The following PPP3CA variants were observed in gnomAD, a reference collection of about 807,000 sequenced individuals.
PPP3CA encodes the protein protein phosphatase 3 catalytic subunit alpha, also known as CAM-PRP catalytic subunit.
A neutral mutation model predicts 66.5 loss-of-function variants in PPP3CA; 14 were observed. That is an observed-to-expected ratio of 0.21 (90% CI 0.14 to 0.33). The LOEUF (loss-of-function observed/expected upper bound fraction) is 0.33. Among genes scored for constraint, PPP3CA ranks in the 10% least tolerant of loss-of-function variants. The pLI is 1.00. For missense variants in PPP3CA, 317 were observed against 639.5 expected (o/e 0.50, Z 5.44); for synonymous variants, 232 against 226.2 (o/e 1.03, Z -0.23).
chr4:101,283,575 T>C (rs965282688), intron 1 of PPP3CA, among the ~76,000 whole-genome samples: 1 of 152,196 alleles, frequency 6.6e-6, no homozygotes, highest in African/African-American at 2.4e-5. Context: ...ATATTTCTCT[T>C]AAGTAATGTG....
chr4:101,189,642 TGAACACTA>T (rs1724527125), intron 2 of PPP3CA, among the ~76,000 whole-genome samples: 1 of 132,886 alleles, frequency 7.5e-6, no homozygotes, highest in Non-Finnish European at 1.5e-5. Context: ...CAGGGTTATG[TGAACACTA>T]AGAGTTAAAA....
At chr4:101,047,096 T>G (rs1458084341) in intron 10 of PPP3CA, among the ~76,000 whole-genome samples, 1 of 152,194 alleles carries the variant, frequency 6.6e-6, no homozygotes, top group Non-Finnish European at 1.5e-5. Context: ...CTGACCTAAC[T>G]TAACAATAAC....
chr4:101,335,562 T>C (rs1040593408), intron 1 of PPP3CA, among the ~76,000 whole-genome samples: 3 of 152,194 alleles, frequency 2.0e-5, no homozygotes, highest in South Asian at 4.1e-4. Context: ...CTTCTACTTA[T>C]AGACCAGATT....
At chr4:101,030,135 T>TATG (rs1216819023) in intron 12 of PPP3CA, among the ~76,000 whole-genome samples, 1 of 152,172 alleles carries the variant, frequency 6.6e-6, no homozygotes, top group Non-Finnish European at 1.5e-5. Context: ...TATATAAGTA[T>TATG]ATGAGTCTTT....
At chr4:101,267,512 T>G (rs1727205612) in intron 1 of PPP3CA, among the ~76,000 whole-genome samples, 1 of 152,092 alleles carries the variant, frequency 6.6e-6, no homozygotes, top group Non-Finnish European at 1.5e-5. Context: ...GACTCCTGCT[T>G]TTGAGGGCTA....
chr4:101,285,339 A>G (rs112258000), intron 1 of PPP3CA, among the ~76,000 whole-genome samples: 6 of 152,284 alleles, frequency 3.9e-5, no homozygotes, highest in African/African-American at 1.4e-4. Flanking sequence ...CCTTCCATTA[A>G]AGATAAATTG....
chr4:101,091,848 A>C (rs1729959396), intron 6 of PPP3CA, among the ~76,000 whole-genome samples: 2 of 145,854 alleles, frequency 1.4e-5, no homozygotes, highest in South Asian at 4.2e-4. Flanking sequence ...AATAATAATA[A>C]TAATAATAAT....
chr4:101,283,079 A>T (rs912443586), intron 1 of PPP3CA, among the ~76,000 whole-genome samples: 2 of 152,132 alleles, frequency 1.3e-5, no homozygotes, highest in African/African-American at 2.4e-5. Context: ...AAAACAAAAA[A>T]CCCTTCAAAA....
At chr4:101,088,251 C>T (rs1729758715) in intron 6 of PPP3CA, among the ~76,000 whole-genome samples, 1 of 152,128 alleles carries the variant, frequency 6.6e-6, no homozygotes, top group Non-Finnish European at 1.5e-5. Context: ...TGCTACTGGA[C>T]TGCCATTTTC....
At chr4:101,129,650 G>C (rs11932235) in intron 2 of PPP3CA, among the ~76,000 whole-genome samples, 5 of 152,192 alleles carry the variant, frequency 3.3e-5, no homozygotes, top group Admixed American at 6.5e-5. Flanking sequence ...CTGCAGCAGA[G>C]GGGCCTGACT....
rs114346387 is a variant in PPP3CA at position 101,162,659 on chromosome 4, G to A, written c.259+33257C>T. Among the ~76,000 whole-genome samples the A allele has an allele frequency of 4.3e-3, 652 of 152,186 alleles. 9 individuals carry two copies. The highest frequency in any genetic ancestry group is 0.015 in the African/African-American group (618 of 41,510). On this transcript the variant is annotated intron_variant, in intron 2 of 13. Coordinates refer to ENST00000394854, the MANE Select transcript of PPP3CA (RefSeq NM_000944.5). ...GACCCCCTGTGCAACATTTGACAAT[G>A]AATTTCTTAGTTGATCCACTCAAAG...
intron 5 of PPP3CA, among the ~76,000 whole-genome samples, chr4:101,097,123 T>G (rs1730230293): frequency 1.3e-5 from 2 of 152,148 alleles, no homozygotes; most frequent in African/African-American, 4.8e-5. Context: ...GCATCACTTA[T>G]TTGAAGCCAA....
At chr4:101,236,629 A>G (rs1013821186) in intron 1 of PPP3CA, among the ~76,000 whole-genome samples, 1 of 152,002 alleles carries the variant, frequency 6.6e-6, no homozygotes, top group African/African-American at 2.4e-5. Flanking sequence ...CATCATCTAT[A>G]GAAGGCAGGG....
chr4:101,059,058 A>G (rs1321476591), intron 10 of PPP3CA, among the ~76,000 whole-genome samples: 4 of 152,160 alleles, frequency 2.6e-5, no homozygotes, highest in African/African-American at 9.6e-5. Flanking sequence ...AATAAAAGGA[A>G]TATAGTGAAA....
At chr4:101,210,453 CTAATAT>C (rs1216543394) in intron 1 of PPP3CA, among the ~76,000 whole-genome samples, 1 of 152,270 alleles carries the variant, frequency 6.6e-6, no homozygotes, top group East Asian at 1.9e-4. Flanking sequence ...ATTAAACAAA[CTAATAT>C]TTGTAAAGTG....
intron 2 of PPP3CA, among the ~76,000 whole-genome samples, chr4:101,118,069 G>T (rs930769472): frequency 6.6e-6 from 1 of 151,968 alleles, no homozygotes. Flanking sequence ...TGGGGTGTTC[G>T]GCTGTCTTAG....
chr4:101,058,434 A>G (rs1350996348), intron 10 of PPP3CA, among the ~76,000 whole-genome samples: 2 of 152,124 alleles, frequency 1.3e-5, no homozygotes, highest in African/African-American at 2.4e-5. Flanking sequence ...AGCTGGTAAG[A>G]GCAGGTTAGG....
intron 1 of PPP3CA, among the ~76,000 whole-genome samples, chr4:101,311,053 T>C (rs73835927): frequency 6.2e-4 from 95 of 152,352 alleles, no homozygotes; most frequent in African/African-American, 2.1e-3. Context: ...ACGTTAATAA[T>C]TCACAGAAAA....
chr4:101,159,261 G>T (rs1172217026), intron 2 of PPP3CA, among the ~76,000 whole-genome samples: 1 of 152,152 alleles, frequency 6.6e-6, no homozygotes, highest in Non-Finnish European at 1.5e-5. Flanking sequence ...AAAAAACAGT[G>T]ATTCAGAGGC....
Sources: allele counts gnomAD v4.1 joint callset (sites outside exome capture counted in the v4.1 genomes callset), GRCh38; gene constraint gnomAD v4.1.1; transcripts MANE v1.5; gene names NCBI Gene and HGNC (gene_info 2026-07-23, HGNC 2026-07-21).